Variants in SBNO1 observed in about 807,000 individuals in gnomAD.
SBNO1 encodes the protein protein strawberry notch homolog 1.
SBNO1 carries 23 observed loss-of-function variants against 173.6 expected under a neutral mutation model. That is an observed-to-expected ratio of 0.13 (90% CI 0.10 to 0.19). SBNO1 has a LOEUF of 0.19. SBNO1 is among the 10% of genes least tolerant of loss of function. SBNO1 has a pLI of 1.00. For missense variants in SBNO1, 1,238 were observed against 1,671.2 expected (o/e 0.74, Z 4.52); for synonymous variants, 632 against 571.5 (o/e 1.11, Z -1.51).
At position 123,290,167 on chromosome 12, in the gene SBNO1, G is replaced by C. The variant is rs1296156669; in HGVS notation, c.*5741C>G. 6.6e-6 allele frequency: 1 copy of C among 152,276 alleles called. No individual in the cohort carries two copies. The highest frequency in any genetic ancestry group is 2.4e-5 in the African/African-American group (1 of 41,454). The allele number at this position is 152,276 out of a possible 1,614,324, so 9.4% of individuals were successfully genotyped here. A position where few individuals can be genotyped will look rare whatever the true frequency, so the allele number is the denominator to read the frequency against. On this transcript the variant is annotated 3_prime_UTR_variant, in exon 32 of 32. Transcript: ENST00000602398. ...ATGGCCGCACTGCCAACCACAGCAC[G>C]GCTTCCCCATGGGCGCCAGAGGGAG...
rs775475351 is a variant in SBNO1 at position 123,329,910 on chromosome 12, T to G, written c.1134+509A>C. On this transcript the variant is annotated intron_variant, in intron 9 of 31. Coordinates refer to ENST00000602398, the MANE Select transcript of SBNO1 (RefSeq NM_001167856.3). ...TGAACCTTAACATTCTAAAACACAC[T>G]GGCACACATTGTCTTTCAGCTTACA... 1.1e-4 allele frequency among the ~76,000 whole-genome samples: 16 copies of G among 152,314 alleles called. 1 individual carries two copies. Among genetic ancestry groups the G allele is most frequent in the Non-Finnish European group, 2.1e-4 (14 of 68,028 alleles).
chr12:123,320,602 T>C lies in SBNO1; in HGVS notation c.2497A>G (p.Ser833Gly), dbSNP rs374956545. 8.7e-5 allele frequency: 140 copies of C among 1,610,174 alleles called. No individual in the cohort carries two copies. The highest frequency in any genetic ancestry group is 1.2e-4 in the Non-Finnish European group (137 of 1,178,856). The part of the protein sequence containing the change: ...SPAPNSTPAN[S>G]NTNSNSSLIT... ...AGGCTACTGTTACTGTTGGTGTTAC[T>C]GTTAGCTAGATAAAGAACATTTGCT... Residue 833 changes from serine (S) to glycine (G), a missense_variant, in exon 19 of 32, where the codon AGT becomes GGT. Physicochemically the swap from Ser to Gly is moderately conservative, Grantham distance 56 (BLOSUM62 0). This residue lies in a region of SBNO1 where 74 missense variants were observed against 68.5 expected (regional missense o/e 1.08). Transcript: ENST00000602398.
At chr12:123,324,536 G>A (rs1454062420) in intron 15 of SBNO1, among the ~76,000 whole-genome samples, 1 of 151,978 alleles carries the variant, frequency 6.6e-6, no homozygotes, top group Non-Finnish European at 1.5e-5. Flanking sequence ...TGGCCAGGCT[G>A]GTCTCAAACT....
chr12:123,325,552 T>C lies in SBNO1; in HGVS notation c.1923A>G (p.Glu641=). The C allele has an allele frequency of 6.2e-7, 1 of 1,613,590 alleles. No individual in the cohort carries two copies. The highest frequency in any genetic ancestry group is 8.5e-7 in the Non-Finnish European group (1 of 1,179,580). Residue 641 remains glutamate (E), a synonymous_variant, in exon 15 of 32, where the codon GAA becomes GAG. Coordinates refer to ENST00000602398, the MANE Select transcript of SBNO1 (RefSeq NM_001167856.3). ...ATTCTCCCCCGCCCTCTTCCAAAGC[T>C]TCTAATGTTCTAGCTTCTCCTGTAG... is the stretch of plus-strand genomic sequence containing the variant. ...LQSTGEARTL[E]ALEEGGGELN...
intron 30 of SBNO1, among the ~76,000 whole-genome samples, chr12:123,298,923 C>A (rs538618190): frequency 1.1e-4 from 17 of 152,136 alleles, no homozygotes; most frequent in Admixed American, 1.0e-3. Context: ...GGCTCTATCT[C>A]TACAAAAAGT....
chr12:123,364,465 G>A (rs1875862813), intron 1 of SBNO1: 17 of 985,354 alleles, frequency 1.7e-5, no homozygotes, highest in Non-Finnish European at 1.9e-5. Context: ...GGCGACAGCG[G>A]GGCCCGGCGC....
chr12:123,337,615 T>TA (rs1162950100), intron 5 of SBNO1, among the ~76,000 whole-genome samples: 2 of 152,158 alleles, frequency 1.3e-5, no homozygotes, highest in African/African-American at 4.8e-5. Flanking sequence ...AGATAAAATC[T>TA]AAAAACTTGG....
rs1870502193 is a variant in SBNO1 at position 123,325,384 on chromosome 12, A to G, written c.1973+118T>C. 4 of 679,040 alleles carry G rather than the reference A, an allele frequency of 5.9e-6. No individual in the cohort carries two copies. The East Asian group carries it at 1.0e-4, about 17-fold the overall frequency. The allele number at this position is 679,040 out of a possible 1,614,324, so 42.1% of individuals were successfully genotyped here. A position where few individuals can be genotyped will look rare whatever the true frequency, so the allele number is the denominator to read the frequency against. ...GAAAAGCAGAAAACTCAGATCAAGA[A>G]AACTTAAAGATGATGCAGGTGAAAC... On this transcript the variant is annotated intron_variant, in intron 15 of 31. Coordinates refer to ENST00000602398, the MANE Select transcript of SBNO1 (RefSeq NM_001167856.3).
intron 20 of SBNO1, 146 bp from the exon 21 acceptor site, chr12:123,317,502 C>T (rs1222364704): frequency 4.0e-5 from 29 of 721,810 alleles, no homozygotes; most frequent in East Asian, 3.5e-4. Context: ...GTCTCCCTTA[C>T]GGCTAAGTGT....
In SBNO1 at chr12:123,292,297, A is replaced by G. The variant is rs1313812026; in HGVS notation, c.*3611T>C. 1 of 152,200 alleles carries G rather than the reference A, an allele frequency of 6.6e-6. No individual in the cohort carries two copies. The highest frequency in any genetic ancestry group is 1.5e-5 in the Non-Finnish European group (1 of 68,032). 9.4% of individuals were successfully genotyped at this position (152,200 alleles called of 1,614,324 possible). A position where few individuals can be genotyped will look rare whatever the true frequency, so the allele number is the denominator to read the frequency against. On this transcript the variant is annotated 3_prime_UTR_variant, in exon 32 of 32. Coordinates refer to ENST00000602398, the MANE Select transcript of SBNO1 (RefSeq NM_001167856.3). ...ATTCTTAGAAACTACCAAGTATCACACAGGTACATGTGTATGGGGACCTTC... is the reference window on the plus strand; with the variant it reads ...ATTCTTAGAAACTACCAAGTATCACGCAGGTACATGTGTATGGGGACCTTC...
rs1566016300 is a variant in SBNO1 at position 123,293,955 on chromosome 12, A to G, written c.*1953T>C. 6.6e-6 allele frequency: 1 copy of G among 152,206 alleles called. No homozygotes were observed. The highest frequency in any genetic ancestry group is 2.4e-5 in the African/African-American group (1 of 41,446). The allele number at this position is 152,206 out of a possible 1,614,324, so 9.4% of individuals were successfully genotyped here. On this transcript the variant is annotated 3_prime_UTR_variant, in exon 32 of 32. Coordinates refer to ENST00000602398, the MANE Select transcript of SBNO1 (RefSeq NM_001167856.3). ...CTTCCATTGCTGATGGAAGCTGCCT[A>G]CTGCTTTTAAAAACACACACATGAG... is the stretch of plus-strand genomic sequence containing the variant.
intron 9 of SBNO1, 116 bp downstream of exon 9, chr12:123,330,303 G>T: frequency 1.5e-6 from 1 of 667,404 alleles, no homozygotes; most frequent in East Asian, 2.8e-5. Flanking sequence ...GCTTTCTGTG[G>T]AGTAACATCA....
Position 123,328,725 on chromosome 12 carries a change from A to G in SBNO1, c.1296+9T>C. The G allele has an allele frequency of 6.7e-7, 1 of 1,502,536 alleles. No homozygotes were observed. The highest frequency in any genetic ancestry group is 8.9e-7 in the Non-Finnish European group (1 of 1,117,922). The allele number at this position is 1,502,536 out of a possible 1,614,324, so 93.1% of individuals were successfully genotyped here. On this transcript the variant is annotated intron_variant, in intron 10 of 31. Transcript: ENST00000602398. ...TAAAAAATAGAAAAATATTTGCCATAAAGGATACCACTCCATCGAAGTCAT... is the reference window on the plus strand; with the variant it reads ...TAAAAAATAGAAAAATATTTGCCATGAAGGATACCACTCCATCGAAGTCAT...
chr12:123,354,230 T>C (rs1874183746), intron 1 of SBNO1, among the ~76,000 whole-genome samples: 1 of 152,240 alleles, frequency 6.6e-6, no homozygotes, highest in Non-Finnish European at 1.5e-5. Flanking sequence ...TTCCACAATG[T>C]ATACTTGTAT....
intron 21 of SBNO1, among the ~76,000 whole-genome samples, chr12:123,316,657 C>A (rs1869308910): frequency 6.6e-6 from 1 of 150,884 alleles, no homozygotes; most frequent in Non-Finnish European, 1.5e-5. Flanking sequence ...GTAGCTGGGA[C>A]TACAGGCACA....
At chr12:123,322,874 C>G (rs1870156739) in intron 16 of SBNO1, among the ~76,000 whole-genome samples, 1 of 149,360 alleles carries the variant, frequency 6.7e-6, no homozygotes, top group Non-Finnish European at 1.5e-5. Context: ...AGACGGAGAC[C>G]CTGTCTCAAA....
In SBNO1 at chr12:123,364,682, G is replaced by C; in HGVS notation, c.-1+19C>G. The C allele has an allele frequency of 5.1e-6, 5 of 984,194 alleles. No individual in the cohort carries two copies. Among genetic ancestry groups the C allele is most frequent in the Non-Finnish European group, 6.0e-6 (5 of 828,942 alleles). 61.0% of individuals were successfully genotyped at this position (984,194 alleles called of 1,614,324 possible). A position where few individuals can be genotyped will look rare whatever the true frequency, so the allele number is the denominator to read the frequency against. ...GAGGGGGAGTGTGGAAGGAGAAAAG[G>C]GCCAAGGGAAGGACTTACTTTCCCC... On this transcript the variant is annotated intron_variant, in intron 1 of 31. Transcript: ENST00000602398.
chr12:123,315,829 A>G (rs10846514), intron 21 of SBNO1, among the ~76,000 whole-genome samples, 169 bp from the exon 22 acceptor site: 9,554 of 152,284 alleles, frequency 0.063, 334 homozygotes, highest in South Asian at 0.11. Flanking sequence ...GCTCAATGAC[A>G]GAAGTATTAG....
At chr12:123,336,517 A>T in intron 5 of SBNO1, 26 bp from the exon 6 acceptor site, 1 of 1,489,122 alleles carries the variant, frequency 6.7e-7, no homozygotes, top group Non-Finnish European at 9.2e-7. Flanking sequence ...AGCACAATCA[A>T]TCCCAAATCC....
Sources: allele counts gnomAD v4.1 joint callset (sites outside exome capture counted in the v4.1 genomes callset), GRCh38; gene constraint gnomAD v4.1.1; regional missense constraint gnomAD v4.1.1; transcripts MANE v1.5; gene names NCBI Gene and HGNC (gene_info 2026-07-23, HGNC 2026-07-21).